The following PTPRD variants were observed in gnomAD, a reference collection of about 807,000 sequenced individuals.
PTPRD encodes receptor-type tyrosine-protein phosphatase delta.
A neutral mutation model predicts 214.5 loss-of-function variants in PTPRD; 34 were observed. The ratio of observed to expected loss-of-function variants is 0.16; its 90% confidence interval spans 0.12 to 0.21. The LOEUF (loss-of-function observed/expected upper bound fraction) is 0.21, where lower values mean the gene tolerates loss of function less well. PTPRD is among the 10% of genes least tolerant of loss of function. PTPRD has a pLI of 1.00. For missense variants in PTPRD, 2,545 were observed against 2,398.7 expected (o/e 1.06, Z -1.27); for synonymous variants, 1,128 against 845.7 (o/e 1.33, Z -5.79).
At chr9:9,806,828 A>G (rs1170702029) in intron 5 of PTPRD, among the ~76,000 whole-genome samples, 1 of 152,066 alleles carries the variant, frequency 6.6e-6, no homozygotes, top group Admixed American at 6.6e-5. Flanking sequence ...ACCTACCTCT[A>G]GGAACACTGA....
At chr9:9,078,547 C>T (rs185021143) in intron 10 of PTPRD, among the ~76,000 whole-genome samples, 43 of 152,044 alleles carry the variant, frequency 2.8e-4, no homozygotes, top group Non-Finnish European at 5.1e-4. Context: ...ATACTTGGCT[C>T]ATGTTCCACT....
intron 2 of PTPRD, among the ~76,000 whole-genome samples, chr9:10,578,873 T>G (rs2132303011): frequency 6.6e-6 from 1 of 152,284 alleles, no homozygotes; most frequent in South Asian, 2.1e-4. Flanking sequence ...TTTTGTTTTG[T>G]TTTGTTTTTA....
chr9:9,940,610 T>C (rs2153966962), intron 4 of PTPRD, among the ~76,000 whole-genome samples: 1 of 152,258 alleles, frequency 6.6e-6, no homozygotes, highest in East Asian at 1.9e-4. Flanking sequence ...TTAAATTAAA[T>C]CGCATAGCAT....
At chr9:8,340,553 G>C in intron 41 of PTPRD, 84 bp from the exon 42 acceptor site, 2 of 1,355,244 alleles carry the variant, frequency 1.5e-6, no homozygotes, top group Non-Finnish European at 1.9e-6. Context: ...ACATCAACCT[G>C]CTAATAAAAA....
chr9:10,058,319 T>C (rs2097696985), intron 3 of PTPRD, among the ~76,000 whole-genome samples: 1 of 152,110 alleles, frequency 6.6e-6, no homozygotes. Flanking sequence ...TATGTTATAG[T>C]TTAACAATGT....
intron 7 of PTPRD, among the ~76,000 whole-genome samples, chr9:9,713,396 TG>T (rs2097769011): frequency 6.6e-6 from 1 of 152,208 alleles, no homozygotes; most frequent in African/African-American, 2.4e-5. Context: ...CTAGACTCTA[TG>T]CTATGCATTA....
intron 11 of PTPRD, among the ~76,000 whole-genome samples, chr9:8,848,409 C>A (rs1159987549): frequency 6.7e-6 from 1 of 149,278 alleles, no homozygotes; most frequent in Admixed American, 6.7e-5. Context: ...GATCCCAGCT[C>A]ACTGCAGCCT....
chr9:9,437,264 T>G (rs1200601256), intron 8 of PTPRD, among the ~76,000 whole-genome samples: 2 of 152,154 alleles, frequency 1.3e-5, no homozygotes, highest in Non-Finnish European at 2.9e-5. Context: ...AATTCTAGAT[T>G]TTTATTTTTA....
At chr9:9,986,842 C>CATAT (rs1468900520) in intron 4 of PTPRD, among the ~76,000 whole-genome samples, 1 of 151,976 alleles carries the variant, frequency 6.6e-6, no homozygotes, top group Admixed American at 6.6e-5. Flanking sequence ...GTACAATGGG[C>CATAT]ATATAGTTAA....
intron 12 of PTPRD, among the ~76,000 whole-genome samples, chr9:8,722,538 A>T (rs1303055976): frequency 6.6e-6 from 1 of 151,988 alleles, no homozygotes; most frequent in South Asian, 2.1e-4. Flanking sequence ...ACCAGGAAAT[A>T]TTTTATTAAA....
intron 7 of PTPRD, among the ~76,000 whole-genome samples, chr9:9,621,969 C>G (rs2095257873): frequency 6.6e-6 from 1 of 152,170 alleles, no homozygotes. Context: ...GTCACCCATA[C>G]TGAACGGAGG....
At chr9:9,871,260 G>T (rs1048616625) in intron 5 of PTPRD, among the ~76,000 whole-genome samples, 1 of 152,094 alleles carries the variant, frequency 6.6e-6, no homozygotes, top group African/African-American at 2.4e-5. Context: ...TACAATTTTA[G>T]CTTCATGAAA....
intron 3 of PTPRD, among the ~76,000 whole-genome samples, chr9:10,090,619 G>A (rs1442441958): frequency 1.8e-5 from 2 of 113,618 alleles, no homozygotes; most frequent in East Asian, 2.9e-4. Context: ...AAAGATTAAA[G>A]TATACATAAA....
chr9:10,430,617 T>C (rs1399922286), intron 2 of PTPRD, among the ~76,000 whole-genome samples: 1 of 151,974 alleles, frequency 6.6e-6, no homozygotes, highest in Non-Finnish European at 1.5e-5. Context: ...AAACAAAATG[T>C]ATACAACAAC....
intron 2 of PTPRD, among the ~76,000 whole-genome samples, chr9:10,397,186 G>A (rs530110593): frequency 1.8e-4 from 28 of 151,998 alleles, no homozygotes; most frequent in Non-Finnish European, 3.8e-4. Flanking sequence ...ATGTTGACAG[G>A]AACGTTCTTG....
intron 10 of PTPRD, among the ~76,000 whole-genome samples, chr9:9,074,643 T>C (rs550405985): frequency 7.6e-4 from 116 of 152,250 alleles, no homozygotes; most frequent in Middle Eastern, 6.8e-3. Context: ...ATGTGCCTGT[T>C]TGCCATTTGT....
intron 2 of PTPRD, among the ~76,000 whole-genome samples, chr9:10,367,690 A>T (rs2097540001): frequency 6.6e-6 from 1 of 152,162 alleles, no homozygotes; most frequent in Non-Finnish European, 1.5e-5. Flanking sequence ...CTTGCCACAG[A>T]TGCCTTTCTT....
intron 2 of PTPRD, among the ~76,000 whole-genome samples, chr9:10,511,893 CAT>C (rs1465570387): frequency 1.1e-3 from 146 of 130,696 alleles, no homozygotes; most frequent in African/African-American, 4.1e-3. Flanking sequence ...TACACACACA[CAT>C]ATATATACAT....
At chr9:9,446,157 A>G (rs1471230019) in intron 8 of PTPRD, among the ~76,000 whole-genome samples, 1 of 152,228 alleles carries the variant, frequency 6.6e-6, no homozygotes. Flanking sequence ...CAAACAAAAC[A>G]AAACAGAACA....
Sources: gnomAD v4.1 joint callset for allele counts (sites outside exome capture counted in the v4.1 genomes callset) on GRCh38, gnomAD v4.1.1 for gene constraint, MANE v1.5 for transcripts, NCBI Gene and HGNC (gene_info 2026-07-23, HGNC 2026-07-21) for gene names.